The following PCDH15 variants were observed in gnomAD, a reference collection of about 807,000 sequenced individuals.
PCDH15 encodes the protein protocadherin related 15.
In PCDH15, 129 loss-of-function variants were observed where a neutral mutation model predicts 178.5. The observed-to-expected ratio is 0.72, with a 90% CI of 0.63 to 0.84. The LOEUF (loss-of-function observed/expected upper bound fraction) is 0.84. Ranked by LOEUF, PCDH15 falls within the 40% of genes least tolerant of loss-of-function variation. The pLI is 0.00. For synonymous variants in PCDH15, 800 were observed against 732.0 expected, an observed-to-expected ratio of 1.09 and a Z score of -1.50; for missense variants, 2,230 against 2,099.9, an observed-to-expected ratio of 1.06 and a Z score of -1.21.
chr10:54,199,570 C>CAACAACAAT (rs142287657), intron 10 of PCDH15, among the ~76,000 whole-genome samples: 38 of 142,528 alleles, frequency 2.7e-4, no homozygotes, highest in African/African-American at 9.0e-4. Context: ...ACAACAACAA[C>CAACAACAAT]AATAATAATA....
intron 1 of PCDH15, among the ~76,000 whole-genome samples, chr10:54,717,910 A>T (rs1247967307): frequency 6.9e-6 from 1 of 144,964 alleles, no homozygotes; most frequent in Non-Finnish European, 1.5e-5. Flanking sequence ...GCACATATAC[A>T]CCATGGAATA....
chr10:55,049,044 C>T (rs548963025), intron 2 of PCDH15, among the ~76,000 whole-genome samples: 28 of 152,024 alleles, frequency 1.8e-4, no homozygotes, highest in Admixed American at 3.3e-4. Flanking sequence ...TTGCTGCACT[C>T]ATCCACTCAA....
intron 2 of PCDH15, among the ~76,000 whole-genome samples, chr10:55,028,234 TA>T (rs1485153275): frequency 6.6e-6 from 1 of 151,838 alleles, no homozygotes. Flanking sequence ...ATAATATGGC[TA>T]AAAATAGTGG....
intron 1 of PCDH15, among the ~76,000 whole-genome samples, chr10:55,302,574 T>C (rs565706422): frequency 7.3e-4 from 111 of 152,222 alleles, no homozygotes; most frequent in Admixed American, 2.1e-3. Context: ...GCCAGCCTTT[T>C]CTTTTTAAGG....
chr10:55,531,701 T>C, intron 2 of PCDH15, among the ~76,000 whole-genome samples: 1 of 152,016 alleles, frequency 6.6e-6, no homozygotes, highest in Admixed American at 6.6e-5. Context: ...TGGCGAGTAA[T>C]TGAATAACAG....
chr10:55,559,737 A>T (rs998895635), intron 2 of PCDH15, among the ~76,000 whole-genome samples: 10 of 151,978 alleles, frequency 6.6e-5, no homozygotes, highest in Non-Finnish European at 8.8e-5. Flanking sequence ...AATTTCTGCC[A>T]GCAGAATTCA....
intron 8 of PCDH15, among the ~76,000 whole-genome samples, chr10:54,295,847 G>T (rs2059725469): frequency 6.6e-6 from 1 of 152,002 alleles, no homozygotes; most frequent in South Asian, 2.1e-4. Flanking sequence ...CTGTCGGTCA[G>T]TTAAAAGTGG....
chr10:54,439,043 G>A (rs1026318230), intron 3 of PCDH15, among the ~76,000 whole-genome samples: 7 of 152,022 alleles, frequency 4.6e-5, no homozygotes, highest in South Asian at 2.1e-4. Context: ...AGGGATACCG[G>A]TCATTTAATA....
chr10:54,497,179 A>G (rs1026507626), intron 3 of PCDH15, among the ~76,000 whole-genome samples: 71 of 152,042 alleles, frequency 4.7e-4, no homozygotes, highest in African/African-American at 1.6e-3. Flanking sequence ...TGCTGAGCTT[A>G]GCTTTAGTCC....
At chr10:55,205,822 GA>G (rs1840383429) in intron 1 of PCDH15, among the ~76,000 whole-genome samples, 1 of 152,002 alleles carries the variant, frequency 6.6e-6, no homozygotes, top group Admixed American at 6.6e-5. Flanking sequence ...ACAAAAGAAA[GA>G]GGTTTATTGA....
chr10:55,137,064 G>C (rs1591931855), intron 2 of PCDH15, among the ~76,000 whole-genome samples: 1 of 152,228 alleles, frequency 6.6e-6, no homozygotes, highest in South Asian at 2.1e-4. Flanking sequence ...TTTAGAAAAT[G>C]TGAAAATTAA....
chr10:53,906,680 G>A (rs2082703020), intron 25 of PCDH15, among the ~76,000 whole-genome samples: 2 of 152,056 alleles, frequency 1.3e-5, no homozygotes, highest in South Asian at 4.1e-4. Flanking sequence ...GAAGGCTTTT[G>A]GTACCACAAA....
At chr10:55,486,693 A>G (rs923514150) in intron 2 of PCDH15, among the ~76,000 whole-genome samples, 3 of 151,290 alleles carry the variant, frequency 2.0e-5, no homozygotes, top group Admixed American at 6.6e-5. Flanking sequence ...TTTTTTAGAG[A>G]TTGGAGTCTT....
intron 37 of PCDH15, among the ~76,000 whole-genome samples, chr10:53,807,399 A>AAATT (rs1196451466): frequency 6.6e-6 from 1 of 152,152 alleles, no homozygotes; most frequent in Non-Finnish European, 1.5e-5. Context: ...CTTTTAGATC[A>AAATT]AATTACTGAT....
At chr10:55,621,618 C>A (rs1433207000) in intron 2 of PCDH15, among the ~76,000 whole-genome samples, 2 of 152,126 alleles carry the variant, frequency 1.3e-5, no homozygotes, top group Admixed American at 6.5e-5. Flanking sequence ...GTTGCACACT[C>A]CTTATGAGAA....
chr10:55,440,736 C>CTAAGAA (rs1839164821), intron 2 of PCDH15, among the ~76,000 whole-genome samples: 1 of 152,110 alleles, frequency 6.6e-6, no homozygotes, highest in South Asian at 2.1e-4. Context: ...TCCGTTTTCA[C>CTAAGAA]ACTGCTGATA....
intron 3 of PCDH15, among the ~76,000 whole-genome samples, chr10:54,883,397 T>C (rs1214809000): frequency 1.3e-5 from 2 of 152,022 alleles, no homozygotes; most frequent in African/African-American, 2.4e-5. Context: ...TTTGAATGAA[T>C]GATTATTCTG....
intron 2 of PCDH15, among the ~76,000 whole-genome samples, chr10:55,529,741 GTATATATATATATATATATATATATA>G (rs56254743): frequency 1.6e-5 from 1 of 62,772 alleles, no homozygotes; most frequent in African/African-American, 5.5e-5. Flanking sequence ...TTGTCTGTGA[GTATATATATATATATATATATATATA>G]TATATATATA....
chr10:55,048,471 TTA>T (rs975102138), intron 2 of PCDH15, among the ~76,000 whole-genome samples: 36 of 151,848 alleles, frequency 2.4e-4, no homozygotes, highest in African/African-American at 8.5e-4. Context: ...AAATAACACT[TTA>T]TAGAAAATGT....
Sources: gnomAD v4.1 joint callset for allele counts (sites outside exome capture counted in the v4.1 genomes callset) on GRCh38, gnomAD v4.1.1 for gene constraint, MANE v1.5 for transcripts, NCBI Gene and HGNC (gene_info 2026-07-23, HGNC 2026-07-21) for gene names.